SH3TC2: variants seen among roughly 807,000 people sequenced by gnomAD.
SH3TC2 encodes SH3 domain and tetratricopeptide repeats 2.
SH3TC2 carries 87 observed loss-of-function variants against 124.5 expected under a neutral mutation model. That is an observed-to-expected ratio of 0.70 (90% CI 0.59 to 0.84). SH3TC2 has a LOEUF of 0.84. SH3TC2 is among the 40% of genes least tolerant of loss of function. The probability of loss-of-function intolerance (pLI) is 0.00; values close to 1 mark genes in which losing one functional copy is unlikely to be tolerated. For synonymous variants in SH3TC2, 634 were observed against 628.5 expected (o/e 1.01, Z -0.13); for missense variants, 1,536 against 1,566.4 (o/e 0.98, Z 0.33).
rs1313591047 is a variant in SH3TC2, at chr5:148,988,852, A to C, written c.*15859T>G. On this transcript the variant is annotated 3_prime_UTR_variant, in exon 17 of 17. Coordinates refer to ENST00000515425, the MANE Select transcript of SH3TC2 (RefSeq NM_024577.4). ...ACTTGTTCCACCTCATGGTTCAAAAACACGATCCCCATAACTTTAATGTTT... is the reference window on the plus strand; with the variant it reads ...ACTTGTTCCACCTCATGGTTCAAAACCACGATCCCCATAACTTTAATGTTT... Among the ~76,000 whole-genome samples, 1 of 152,186 alleles carries C rather than the reference A, an allele frequency of 6.6e-6. No individual in the cohort carries two copies. Among genetic ancestry groups the C allele is most frequent in the African/African-American group, 2.4e-5 (1 of 41,450 alleles).
Position 149,027,918 on chromosome 5 carries a change from CGGTCAGGCAG to C in SH3TC2, c.1804_1813del (p.Leu602ValfsTer40). ...GAGTTCATGCTTGGCACTAGACTCA[CGGTCAGGCAG>C]GCAGGCCAGCAGGGCACCTGCCTTT... On this transcript the variant is annotated frameshift_variant, in exon 11 of 17. Transcript: ENST00000515425. LOFTEE classifies it high-confidence loss of function. 1.2e-6 allele frequency: 2 copies of C among 1,614,054 alleles called. No individual in the cohort carries two copies. Among genetic ancestry groups the C allele is most frequent in the Non-Finnish European group, 1.7e-6 (2 of 1,180,042 alleles).
chr5:149,005,895 A>G (rs1376981773), intron 16 of SH3TC2, among the ~76,000 whole-genome samples: 1 of 152,170 alleles, frequency 6.6e-6, no homozygotes. Context: ...AGCCAATCCT[A>G]GGGACACAGT....
At position 148,999,256 on chromosome 5, in the gene SH3TC2, A is replaced by G. The variant is rs1753558328; in HGVS notation, c.*5455T>C. 6.6e-6 allele frequency among the ~76,000 whole-genome samples: 1 copy of G among 152,244 alleles called. No individual in the cohort carries two copies. The highest frequency in any genetic ancestry group is 6.5e-5 in the Admixed American group (1 of 15,288). On this transcript the variant is annotated 3_prime_UTR_variant, in exon 17 of 17. Coordinates refer to ENST00000515425, the MANE Select transcript of SH3TC2 (RefSeq NM_024577.4). ...TGCACTTCTCAATGTCAAGGCTTAC[A>G]TGCCTCCAAAGATGGATTTCCTTTT...
At position 149,028,448 on chromosome 5, in the gene SH3TC2, C is replaced by T. The variant is rs367691494; in HGVS notation, c.1284G>A (p.Glu428=). ...QSSSSEDSSL[E]EELLSATSDS... ...CTGAGGTGGCCGAGAGGAGCTCCTC[C>T]TCCAGGCTGGAGTCCTCAGAGCTGC... Residue 428 remains glutamate (E), a synonymous_variant, in exon 11 of 17, where the codon GAG becomes GAA. Transcript: ENST00000515425. 40 of 1,613,020 alleles carry T rather than the reference C, an allele frequency of 2.5e-5. No individual in the cohort carries two copies. The highest frequency in any genetic ancestry group is 2.2e-4 in the Admixed American group (13 of 59,934).
In SH3TC2 at chr5:148,989,887, G is replaced by A. The variant is rs1310217387; in HGVS notation, c.*14824C>T. Among the ~76,000 whole-genome samples the A allele has an allele frequency of 6.6e-6, 1 of 152,086 alleles. No homozygotes were observed. Among genetic ancestry groups the A allele is most frequent in the African/African-American group, 2.4e-5 (1 of 41,388 alleles). On this transcript the variant is annotated 3_prime_UTR_variant, in exon 17 of 17. Transcript: ENST00000515425. ...CCCTATGAATCAATCCACCTGCACT[G>A]GGGAAAAATGAGATACATAACAGAA...
chr5:149,017,944 A>G (rs982810196), intron 12 of SH3TC2, among the ~76,000 whole-genome samples: 1 of 152,212 alleles, frequency 6.6e-6, no homozygotes, highest in Non-Finnish European at 1.5e-5. Context: ...TCACTTATGT[A>G]TTATCTATTT....
intron 12 of SH3TC2, among the ~76,000 whole-genome samples, chr5:149,013,941 A>G (rs1422843059): frequency 6.6e-6 from 1 of 152,170 alleles, no homozygotes; most frequent in Non-Finnish European, 1.5e-5. Flanking sequence ...AGGCACAAGC[A>G]CTGTGTCTAA....
intron 12 of SH3TC2, among the ~76,000 whole-genome samples, chr5:149,014,653 CTT>C (rs1383577807): frequency 6.6e-6 from 1 of 152,232 alleles, no homozygotes; most frequent in African/African-American, 2.4e-5. Context: ...GCTGGCCACT[CTT>C]TCTCAAGTTT....
At position 148,986,665 on chromosome 5, in the gene SH3TC2, C is replaced by A. The variant is rs1753337456; in HGVS notation, c.*18046G>T. Among the ~76,000 whole-genome samples, 1 of 152,122 alleles carries A rather than the reference C, an allele frequency of 6.6e-6. No homozygotes were observed. Among genetic ancestry groups the A allele is most frequent in the South Asian group, 2.1e-4 (1 of 4,824 alleles). On this transcript the variant is annotated 3_prime_UTR_variant, in exon 17 of 17. Coordinates refer to ENST00000515425, the MANE Select transcript of SH3TC2 (RefSeq NM_024577.4). The stretch of plus-strand genomic sequence containing the variant: ...ACAGGTTTGAGTACATGACAGATAC[C>A]TTTTTTGACAAATTATTAAGCCACT...
intron 12 of SH3TC2, among the ~76,000 whole-genome samples, chr5:149,024,331 C>G (rs1270080947): frequency 1.3e-5 from 2 of 152,182 alleles, no homozygotes; most frequent in African/African-American, 2.4e-5. Flanking sequence ...TCCTCCATGC[C>G]AAGCTCTGTG....
intron 2 of SH3TC2, 69 bp from the exon 3 acceptor site, chr5:149,048,058 C>T (rs1754496959): frequency 1.3e-6 from 2 of 1,598,134 alleles, no homozygotes; most frequent in Non-Finnish European, 1.7e-6. Flanking sequence ...GTTAGATTAG[C>T]CCACAGTTTC....
chr5:149,047,585 A>C (rs1346726373), intron 3 of SH3TC2: 2 of 421,768 alleles, frequency 4.7e-6, no homozygotes, highest in African/African-American at 4.1e-5. Flanking sequence ...CATTCTATAT[A>C]GGTTAAGTAA....
Position 149,000,489 on chromosome 5 carries a change from A to G in SH3TC2, c.*4222T>C, listed in dbSNP as rs1055079217. 1.3e-5 allele frequency among the ~76,000 whole-genome samples: 2 copies of G among 152,254 alleles called. No individual in the cohort carries two copies. Among genetic ancestry groups the G allele is most frequent in the African/African-American group, 2.4e-5 (1 of 41,466 alleles). ...TTTCATTGTATTTGCCATTATTTAC[A>G]TAATTCTGTTTATGGAAAACAATAC... On this transcript the variant is annotated 3_prime_UTR_variant, in exon 17 of 17. Transcript: ENST00000515425.
chr5:149,004,610 G>T lies in SH3TC2; in HGVS notation c.*101C>A. On this transcript the variant is annotated 3_prime_UTR_variant, in exon 17 of 17. Coordinates refer to ENST00000515425, the MANE Select transcript of SH3TC2 (RefSeq NM_024577.4). ...TCTTCTTGTGAAATGAGGGGGCTAG[G>T]CCAGGTAAGGACTCGGACCCTCCCA... 3 of 1,253,968 alleles carry T rather than the reference G, an allele frequency of 2.4e-6. No homozygotes were observed. Among genetic ancestry groups the T allele is most frequent in the Non-Finnish European group, 3.3e-6 (3 of 902,272 alleles). The allele number at this position is 1,253,968 out of a possible 1,614,324, so 77.7% of individuals were successfully genotyped here.
In SH3TC2 at chr5:149,027,935, C is replaced by A. The variant is rs200332172; in HGVS notation, c.1797G>T (p.Leu599=). The A allele has an allele frequency of 1.9e-6, 3 of 1,614,102 alleles. No homozygotes were observed. The highest frequency in any genetic ancestry group is 1.3e-5 in the African/African-American group (1 of 75,068). ...SALLEKAGAL[L]ACLPDRESSA... The stretch of plus-strand genomic sequence containing the variant: ...TAGACTCACGGTCAGGCAGGCAGGC[C>A]AGCAGGGCACCTGCCTTTTCCAACA... The change falls in exon 11 of 17, where the codon CTG becomes CTT. Residue 599 remains leucine (L), a synonymous_variant. Coordinates refer to ENST00000515425, the MANE Select transcript of SH3TC2 (RefSeq NM_024577.4).
intron 8 of SH3TC2, among the ~76,000 whole-genome samples, chr5:149,032,419 G>A (rs140015117): frequency 1.7e-3 from 255 of 152,314 alleles, no homozygotes; most frequent in African/African-American, 5.8e-3. Context: ...AACTAGAAGT[G>A]CCTTAGAAGC....
intron 12 of SH3TC2, among the ~76,000 whole-genome samples, chr5:149,021,178 T>C (rs968012650): frequency 1.3e-5 from 2 of 152,100 alleles, no homozygotes; most frequent in African/African-American, 2.4e-5. Context: ...AACATACTCC[T>C]AAATAACCAA....
At chr5:149,059,679 TTTTG>T (rs1754712306) in intron 1 of SH3TC2, among the ~76,000 whole-genome samples, 2 of 151,790 alleles carry the variant, frequency 1.3e-5, no homozygotes, top group African/African-American at 4.8e-5. Context: ...CATGATATCA[TTTTG>T]TTTAAGTTTT....
intron 12 of SH3TC2, among the ~76,000 whole-genome samples, chr5:149,025,421 AT>A (rs1457501849): frequency 6.6e-6 from 1 of 150,682 alleles, no homozygotes. Flanking sequence ...ATGCAAAAAA[AT>A]ATATATATAG....
Sources: gnomAD v4.1 joint callset for allele counts (sites outside exome capture counted in the v4.1 genomes callset) on GRCh38, gnomAD v4.1.1 for gene constraint, MANE v1.5 for transcripts, NCBI Gene and HGNC (gene_info 2026-07-23, HGNC 2026-07-21) for gene names.